Variants in PLXDC2 observed in about 807,000 individuals in gnomAD.
PLXDC2 encodes the protein plexin domain-containing protein 2.
A neutral mutation model predicts 68.9 loss-of-function variants in PLXDC2; 40 were observed. The observed-to-expected ratio is 0.58, with a 90% CI of 0.45 to 0.76. The LOEUF is 0.76. PLXDC2 is among the 30% of genes least tolerant of loss of function. PLXDC2 has a pLI of 0.00. For synonymous variants in PLXDC2, 243 were observed against 234.2 expected (o/e 1.04, Z -0.34); for missense variants, 644 against 661.9 (o/e 0.97, Z 0.30).
chr10:20,066,373 T>C (rs1403331065), intron 3 of PLXDC2, among the ~76,000 whole-genome samples: 1 of 152,240 alleles, frequency 6.6e-6, no homozygotes, highest in African/African-American at 2.4e-5. Context: ...TAGGGTTCAT[T>C]AGAGATACAT....
intron 4 of PLXDC2, among the ~76,000 whole-genome samples, chr10:20,098,449 G>A (rs914953908): frequency 2.0e-5 from 3 of 151,684 alleles, no homozygotes; most frequent in East Asian, 3.9e-4. Flanking sequence ...GCATTTAGGG[G>A]CCACCTAGAG....
chr10:20,190,531 G>A (rs916246856), intron 9 of PLXDC2, among the ~76,000 whole-genome samples: 2 of 151,530 alleles, frequency 1.3e-5, no homozygotes, highest in Admixed American at 1.3e-4. Flanking sequence ...CACCAACATG[G>A]CACATGTATA....
intron 2 of PLXDC2, among the ~76,000 whole-genome samples, chr10:20,038,000 G>A (rs564765055): frequency 6.6e-6 from 1 of 152,088 alleles, no homozygotes; most frequent in Non-Finnish European, 1.5e-5. Context: ...ATCCCAGCAC[G>A]CTGGGAGGCT....
chr10:20,220,012 A>G (rs1276501944), intron 12 of PLXDC2, among the ~76,000 whole-genome samples: 1 of 152,130 alleles, frequency 6.6e-6, no homozygotes, highest in Non-Finnish European at 1.5e-5. Context: ...TTTTTAGGCC[A>G]TTGTTTATAT....
chr10:19,909,008 T>A (rs1833218809), intron 1 of PLXDC2, among the ~76,000 whole-genome samples: 1 of 152,214 alleles, frequency 6.6e-6, no homozygotes, highest in African/African-American at 2.4e-5. Flanking sequence ...ACTTATACAC[T>A]AGCAAAGTGG....
At chr10:20,080,915 CA>C (rs1267961583) in intron 4 of PLXDC2, among the ~76,000 whole-genome samples, 2 of 152,178 alleles carry the variant, frequency 1.3e-5, no homozygotes, top group Non-Finnish European at 2.9e-5. Context: ...GTAACTTCCA[CA>C]AAGCTAGAAT....
At chr10:19,938,350 T>C (rs1351505804) in intron 1 of PLXDC2, among the ~76,000 whole-genome samples, 1 of 152,158 alleles carries the variant, frequency 6.6e-6, no homozygotes, top group Non-Finnish European at 1.5e-5. Context: ...GACTGGCTAA[T>C]TTATAAAGAA....
intron 4 of PLXDC2, among the ~76,000 whole-genome samples, chr10:20,140,660 C>G (rs560915125): frequency 2.2e-4 from 34 of 152,018 alleles, no homozygotes; most frequent in African/African-American, 7.7e-4. Context: ...TTTTTAAAAT[C>G]TGGAAAATTA....
chr10:20,072,687 T>G (rs146911493), intron 4 of PLXDC2, among the ~76,000 whole-genome samples: 1 of 152,258 alleles, frequency 6.6e-6, no homozygotes, highest in African/African-American at 2.4e-5. Context: ...AGTTACCAGT[T>G]GTTTGAATAC....
chr10:20,130,637 A>G (rs1447656193), intron 4 of PLXDC2, among the ~76,000 whole-genome samples: 1 of 152,126 alleles, frequency 6.6e-6, no homozygotes, highest in Non-Finnish European at 1.5e-5. Context: ...CTTGTCATAC[A>G]TATTCTTTAT....
At chr10:19,922,967 A>G (rs1244371874) in intron 1 of PLXDC2, among the ~76,000 whole-genome samples, 1 of 152,174 alleles carries the variant, frequency 6.6e-6, no homozygotes, top group African/African-American at 2.4e-5. Flanking sequence ...TAATTTTGAG[A>G]CTTTTGTGAT....
At chr10:20,171,205 G>A (rs1473694192) in intron 7 of PLXDC2, among the ~76,000 whole-genome samples, 1 of 152,162 alleles carries the variant, frequency 6.6e-6, no homozygotes, top group Non-Finnish European at 1.5e-5. Flanking sequence ...AGAACCCAGT[G>A]CAAGCCCTTT....
intron 1 of PLXDC2, among the ~76,000 whole-genome samples, chr10:19,829,230 A>G (rs1042043984): frequency 7.9e-6 from 1 of 126,156 alleles, no homozygotes; most frequent in Admixed American, 1.0e-4. Context: ...TTATCGTTTC[A>G]CTGATCATCA....
At chr10:19,935,703 C>T (rs1461665364) in intron 1 of PLXDC2, among the ~76,000 whole-genome samples, 2 of 152,158 alleles carry the variant, frequency 1.3e-5, no homozygotes, top group Non-Finnish European at 2.9e-5. Flanking sequence ...ACAATAATGA[C>T]AATGAAGTGT....
intron 1 of PLXDC2, among the ~76,000 whole-genome samples, chr10:19,897,540 G>A (rs143078038): frequency 1.7e-3 from 261 of 152,142 alleles, no homozygotes; most frequent in Non-Finnish European, 2.8e-3. Flanking sequence ...CCACCACGCC[G>A]GGCCAATTCC....
chr10:20,089,446 T>C lies in PLXDC2; in HGVS notation c.541+21207T>C, dbSNP rs573849274. On this transcript the variant is annotated intron_variant, in intron 4 of 13. Coordinates refer to ENST00000377252, the MANE Select transcript of PLXDC2 (RefSeq NM_032812.9). Reference sequence around the variant, plus strand: ...GTTTCGAGACTGTTGAGTAGTTCAGTGACTTGTCCCTAAGATTCATGGTGA... The same window carrying C: ...GTTTCGAGACTGTTGAGTAGTTCAGCGACTTGTCCCTAAGATTCATGGTGA... Among the ~76,000 whole-genome samples, 3 of 152,210 alleles carry C rather than the reference T, an allele frequency of 2.0e-5. No homozygotes were observed. The East Asian group carries it at 5.8e-4, about 29-fold the overall frequency.
chr10:20,118,834 G>C (rs2460582), intron 4 of PLXDC2, among the ~76,000 whole-genome samples: 57,175 of 151,812 alleles, frequency 0.38, 12,533 homozygotes, highest in Non-Finnish European at 0.51. Flanking sequence ...CATTTTGAAG[G>C]CAGGGAACTG....
At chr10:20,001,519 C>T (rs1484662583) in intron 1 of PLXDC2, among the ~76,000 whole-genome samples, 2 of 145,924 alleles carry the variant, frequency 1.4e-5, no homozygotes, top group Non-Finnish European at 3.1e-5. Context: ...TGCTTCAGGG[C>T]TGCACATCTG....
intron 9 of PLXDC2, among the ~76,000 whole-genome samples, chr10:20,192,606 C>CT (rs1430803224): frequency 6.6e-6 from 1 of 151,840 alleles, no homozygotes; most frequent in Non-Finnish European, 1.5e-5. Flanking sequence ...TTCTGTATCA[C>CT]TTTTTTTGCA....
Sources: gnomAD v4.1 joint callset for allele counts (sites outside exome capture counted in the v4.1 genomes callset) on GRCh38, gnomAD v4.1.1 for gene constraint, MANE v1.5 for transcripts, NCBI Gene and HGNC (gene_info 2026-07-23, HGNC 2026-07-21) for gene names.